Variants in TMEM272 observed in about 807,000 individuals in gnomAD.
TMEM272 encodes long intergenic non-protein coding RNA 282.
A neutral mutation model predicts 3.7 loss-of-function variants in TMEM272; 8 were observed. That is an observed-to-expected ratio of 2.17 (90% confidence interval 1.27 to 3.91). TMEM272 has a LOEUF of 3.91. TMEM272 is among the 30% of genes most tolerant of loss of function. TMEM272 has a pLI of 0.00. For synonymous variants in TMEM272, 63 were observed against 39.8 expected (o/e 1.58, Z -2.20); for missense variants, 166 against 91.5 (o/e 1.81, Z -3.32).
the TMEM272 span, among the ~76,000 whole-genome samples, chr13:51,888,099 G>A: frequency 8.7e-5 from 13 of 149,890 alleles, no homozygotes; most frequent in South Asian, 2.1e-3. Context: ...AGGCTGGAGT[G>A]CAGTGGCGTA....
the TMEM272 span, among the ~76,000 whole-genome samples, chr13:51,905,300 C>T: frequency 6.6e-6 from 1 of 152,216 alleles, no homozygotes; most frequent in African/African-American, 2.4e-5. Flanking sequence ...CCTCAGAGAG[C>T]CATGATTCCA....
chr13:51,819,708 G>A (rs904293663), intron 4 of TMEM272, among the ~76,000 whole-genome samples: 3 of 152,172 alleles, frequency 2.0e-5, no homozygotes, highest in Non-Finnish European at 2.9e-5. Context: ...GGCACGGTGA[G>A]GACTGAATGA....
the TMEM272 span, among the ~76,000 whole-genome samples, chr13:51,873,460 A>G: frequency 2.0e-4 from 30 of 152,336 alleles, no homozygotes; most frequent in African/African-American, 7.0e-4. Context: ...AACACTAAAA[A>G]TTTTTAAAGT....
At chr13:51,919,708 C>T in the TMEM272 span, among the ~76,000 whole-genome samples, 1 of 152,216 alleles carries the variant, frequency 6.6e-6, no homozygotes, top group Non-Finnish European at 1.5e-5. Context: ...GCAGACGTCT[C>T]GGCTGTGTCC....
chr13:51,874,762 T>C, the TMEM272 span, among the ~76,000 whole-genome samples: 2 of 152,102 alleles, frequency 1.3e-5, no homozygotes, highest in Admixed American at 6.5e-5. Context: ...TCAACACTTG[T>C]TTTCCTATTT....
intron 2 of TMEM272, among the ~76,000 whole-genome samples, chr13:51,834,766 C>T (rs1018336349): frequency 6.6e-6 from 1 of 152,174 alleles, no homozygotes; most frequent in Non-Finnish European, 1.5e-5. Flanking sequence ...CTTCCCAGGA[C>T]CCCCTGACAG....
At chr13:51,826,404 A>C (rs1956125867) in intron 3 of TMEM272, among the ~76,000 whole-genome samples, 162 bp downstream of exon 3, 1 of 152,154 alleles carries the variant, frequency 6.6e-6, no homozygotes, top group Admixed American at 6.5e-5. Context: ...GTATTTTTTA[A>C]ATCTTCACCA....
At chr13:51,877,395 A>C in the TMEM272 span, among the ~76,000 whole-genome samples, 1 of 152,206 alleles carries the variant, frequency 6.6e-6, no homozygotes, top group Non-Finnish European at 1.5e-5. Context: ...AGCCTGGCTT[A>C]CGTAGGTGCT....
the TMEM272 span, among the ~76,000 whole-genome samples, chr13:51,926,791 G>A: frequency 6.6e-6 from 1 of 152,114 alleles, no homozygotes; most frequent in African/African-American, 2.4e-5. Flanking sequence ...GATAGCATAA[G>A]TAACATTAAA....
chr13:51,932,662 A>G, the TMEM272 span: 1 of 152,266 alleles, frequency 6.6e-6, no homozygotes, highest in African/African-American at 2.4e-5. Context: ...TCTCACTCAC[A>G]GGCAGATTTT....
At chr13:51,909,961 T>C in the TMEM272 span, 1 of 1,593,714 alleles carries the variant, frequency 6.3e-7, no homozygotes, top group Non-Finnish European at 8.6e-7. Context: ...TGTTTCTGGC[T>C]TTCCTGAAGT....
chr13:51,911,349 G>T, the TMEM272 span, among the ~76,000 whole-genome samples: 2 of 152,284 alleles, frequency 1.3e-5, no homozygotes, highest in East Asian at 3.9e-4. Context: ...TCCCATGCAC[G>T]ACTGAAAAAC....
the TMEM272 span, among the ~76,000 whole-genome samples, chr13:51,875,181 T>A: frequency 6.6e-6 from 1 of 152,184 alleles, no homozygotes; most frequent in African/African-American, 2.4e-5. Flanking sequence ...TCTCAGTTAA[T>A]CCTCACAACA....
At chr13:51,833,221 T>C (rs1460695350) in intron 2 of TMEM272, among the ~76,000 whole-genome samples, 1 of 152,128 alleles carries the variant, frequency 6.6e-6, no homozygotes, top group African/African-American at 2.4e-5. Context: ...GCGTCCATCA[T>C]CCATCATAAC....
the TMEM272 span, among the ~76,000 whole-genome samples, chr13:51,907,361 G>A: frequency 3.9e-5 from 6 of 152,306 alleles, no homozygotes; most frequent in South Asian, 1.2e-3. Context: ...CCTAGAGACA[G>A]TAAACAACTT....
chr13:51,854,520 C>T, the TMEM272 span, among the ~76,000 whole-genome samples: 1 of 152,178 alleles, frequency 6.6e-6, no homozygotes, highest in African/African-American at 2.4e-5. Context: ...AGCTATGATG[C>T]TCATTGTGAC....
the TMEM272 span, among the ~76,000 whole-genome samples, chr13:51,892,905 C>T: frequency 6.6e-6 from 1 of 152,220 alleles, no homozygotes; most frequent in Admixed American, 6.5e-5. Flanking sequence ...TTCTAACTAG[C>T]CTGCTGTATT....
the TMEM272 span, among the ~76,000 whole-genome samples, chr13:51,870,467 G>A: frequency 2.0e-5 from 3 of 152,188 alleles, no homozygotes; most frequent in African/African-American, 7.2e-5. Context: ...GAATGAAAGA[G>A]AAGAGGAGGG....
chr13:51,880,546 A>G, the TMEM272 span, among the ~76,000 whole-genome samples: 1 of 152,224 alleles, frequency 6.6e-6, no homozygotes, highest in Admixed American at 6.5e-5. Context: ...TGACAGAACA[A>G]TACAAAGGAA....
Sources: allele counts gnomAD v4.1 joint callset (sites outside exome capture counted in the v4.1 genomes callset), GRCh38; gene constraint gnomAD v4.1.1; transcripts MANE v1.5; gene names NCBI Gene and HGNC (gene_info 2026-07-23, HGNC 2026-07-21).